COX15: variants seen among roughly 807,000 people sequenced by gnomAD.
COX15 encodes cytochrome c oxidase assembly factor COX15, also known as heme A synthase COX15.
In COX15, 51 loss-of-function variants were observed where a neutral mutation model predicts 51.9. The ratio of observed to expected loss-of-function variants is 0.98; its 90% CI spans 0.78 to 1.24. COX15 has a LOEUF of 1.24. Ranked by LOEUF, COX15 falls within the 50% of genes most tolerant of loss-of-function variation. COX15 has a pLI of 0.00. For missense variants in COX15, 420 were observed against 501.1 expected (o/e 0.84, Z 1.55); for synonymous variants, 188 against 190.5 (o/e 0.99, Z 0.11).
chr10:99,701,930 C>T, the COX15 span, among the ~76,000 whole-genome samples: 1 of 151,886 alleles, frequency 6.6e-6, no homozygotes, highest in Non-Finnish European at 1.5e-5. Context: ...TGCCTGTAAT[C>T]CCAGCTACTC....
At chr10:99,707,787 A>C (rs2036281712), downstream of COX15, among the ~76,000 whole-genome samples, 1 of 152,242 alleles carries the variant, frequency 6.6e-6, no homozygotes. Flanking sequence ...AATATGTAAA[A>C]TACCCATTTA....
In COX15 at chr10:99,718,364, C is replaced by A. The variant is rs747635630; in HGVS notation, c.969G>T (p.Gln323His). 6.2e-7 allele frequency: 1 copy of A among 1,614,144 alleles called. No individual in the cohort carries two copies. The highest frequency in any genetic ancestry group is 8.5e-7 in the Non-Finnish European group (1 of 1,180,028). Residue 323 changes from glutamine (Q) to histidine (H), a missense_variant, in exon 7 of 9, where the codon CAG (glutamine) becomes CAT (histidine). Coordinates refer to ENST00000016171, the MANE Select transcript of COX15 (RefSeq NM_078470.6). ...RNVFENPTMV[Q>H]FDHRILGITS... ...CACTTACCAGAATCCGGTGATCAAA[C>A]TGCACCATGGTGGGATTCTCAAAAA...
At position 99,727,029 on chromosome 10, in the gene COX15, C is replaced by T. The variant is rs2036976858; in HGVS notation, c.521G>A (p.Gly174Asp). Residue 174 changes from glycine (G) to aspartate (D), a missense_variant, in exon 4 of 9, where the codon GGC becomes GAC. Coordinates refer to ENST00000016171, the MANE Select transcript of COX15 (RefSeq NM_078470.6). Reference protein sequence around the residue: ...ILPAAYFWRKGWLSRGMKGRV... With the variant: ...ILPAAYFWRKDWLSRGMKGRV... Reference sequence around the variant, plus strand: ...TCCTTTCATGCCACGGCTGAGCCAGCCCTTTCTCCAAAAGTAGGCAGCAGG... The same window carrying T: ...TCCTTTCATGCCACGGCTGAGCCAGTCCTTTCTCCAAAAGTAGGCAGCAGG... The T allele has an allele frequency of 1.2e-6, 2 of 1,614,180 alleles. No individual in the cohort carries two copies. The highest frequency in any genetic ancestry group is 8.5e-7 in the Non-Finnish European group (1 of 1,180,020).
In COX15 at chr10:99,711,396, AG is replaced by A; in HGVS notation, c.*3190del. On this transcript the variant is annotated 3_prime_UTR_variant, in exon 9 of 9. Coordinates refer to ENST00000016171, the MANE Select transcript of COX15 (RefSeq NM_078470.6). The stretch of plus-strand genomic sequence containing the variant: ...AGAGGATGGTGTGGGAACCTGCCTC[AG>A]GAACTACAGTTCCCTTTCTTTGAAG... 1.0e-6 allele frequency: 1 copy of A among 985,432 alleles called. No individual in the cohort carries two copies. Among genetic ancestry groups the A allele is most frequent in the Non-Finnish European group, 1.2e-6 (1 of 829,922 alleles). The allele number at this position is 985,432 out of a possible 1,614,324, so 61.0% of individuals were successfully genotyped here. A position where few individuals can be genotyped will look rare whatever the true frequency, so the allele number is the denominator to read the frequency against.
chr10:99,731,827 G>C, intron 1 of COX15, 133 bp downstream of exon 1: 2 of 1,166,458 alleles, frequency 1.7e-6, no homozygotes, highest in East Asian at 2.6e-5. Flanking sequence ...TAGGGGCTCT[G>C]ATCTGAACCT....
In COX15 at chr10:99,726,905, A is replaced by C. The variant is rs868230125; in HGVS notation, c.582+63T>G. On this transcript the variant is annotated intron_variant, in intron 4 of 8. Transcript: ENST00000016171. Reference sequence around the variant, plus strand: ...TCCGTCTCAAAAAAAAAAAAAAAAAAACAATGCCAACTAGGAAGCTCCTGG... The same window carrying C: ...TCCGTCTCAAAAAAAAAAAAAAAAACACAATGCCAACTAGGAAGCTCCTGG... The C allele has an allele frequency of 2.6e-4, 395 of 1,495,274 alleles. 2 individuals are homozygous for C. The African/African-American group carries it at 5.0e-3, about 19-fold the overall frequency. The allele number at this position is 1,495,274 out of a possible 1,614,324, so 92.6% of individuals were successfully genotyped here.
downstream of COX15, chr10:99,709,923 A>G: frequency 1.0e-6 from 1 of 985,458 alleles, no homozygotes; most frequent in Non-Finnish European, 1.2e-6. Context: ...TTTTATTAGT[A>G]AAACTGAATC....
the COX15 span, chr10:99,704,527 C>G: frequency 1.2e-6 from 2 of 1,614,222 alleles, no homozygotes; most frequent in Non-Finnish European, 8.5e-7. Context: ...ACCACTATCT[C>G]TTCTTTGCCT....
chr10:99,716,505 G>T, intron 7 of COX15, 44 bp from the exon 8 acceptor site: 1 of 1,342,624 alleles, frequency 7.4e-7, no homozygotes, highest in Non-Finnish European at 1.1e-6. Context: ...GAAGTGCCAG[G>T]TTTCTAACTC....
chr10:99,713,461 A>G lies in COX15; in HGVS notation c.*1126T>C, dbSNP rs2231687. 1,400,662 of 1,613,432 alleles carry G rather than the reference A, an allele frequency of 0.87. 609,113 individuals are homozygous for G. The highest frequency in any genetic ancestry group is 0.91 in the Middle Eastern group (5,492 of 6,058). On this transcript the variant is annotated 3_prime_UTR_variant, in exon 9 of 9. Coordinates refer to ENST00000016171, the MANE Select transcript of COX15 (RefSeq NM_078470.6). ...TCCAAATCACTGATTTTAAAAGTAAAGTTGAATAAGACAGGGCCCTATGAA... is the reference window on the plus strand; with the variant it reads ...TCCAAATCACTGATTTTAAAAGTAAGGTTGAATAAGACAGGGCCCTATGAA...
the COX15 span, chr10:99,698,676 A>G: frequency 1.9e-6 from 3 of 1,614,168 alleles, no homozygotes; most frequent in African/African-American, 1.3e-5. Context: ...TTGTGGGGCA[A>G]TGCTGAGCCC....
At chr10:99,717,552 TCTCA>T (rs1485756771) in intron 7 of COX15, among the ~76,000 whole-genome samples, 1 of 152,112 alleles carries the variant, frequency 6.6e-6, no homozygotes, top group East Asian at 1.9e-4. Context: ...AGAGACAGGC[TCTCA>T]CTCTGTCTCC....
chr10:99,703,770 T>C, the COX15 span, among the ~76,000 whole-genome samples: 1 of 152,182 alleles, frequency 6.6e-6, no homozygotes, highest in Admixed American at 6.5e-5. Context: ...AGGCTGAGTG[T>C]GGTGGCAGTG....
chr10:99,709,917 A>G (rs1353066017), downstream of COX15: 4 of 985,304 alleles, frequency 4.1e-6, no homozygotes, highest in Non-Finnish European at 4.8e-6. Flanking sequence ...AGATCCTTTT[A>G]TTAGTAAAAC....
chr10:99,698,565 G>C, the COX15 span: 2 of 1,613,988 alleles, frequency 1.2e-6, no homozygotes, highest in South Asian at 2.2e-5. Flanking sequence ...TCTGAGTCCC[G>C]ACAATCCATT....
intron 7 of COX15, among the ~76,000 whole-genome samples, chr10:99,717,403 G>T (rs988374986): frequency 2.0e-5 from 3 of 152,130 alleles, no homozygotes; most frequent in South Asian, 2.1e-4. Context: ...TAGAGATGAG[G>T]TCTCCCTGTG....
chr10:99,714,794 C>T (rs1308805784), intron 8 of COX15, 76 bp from the exon 9 acceptor site: 1 of 1,602,670 alleles, frequency 6.2e-7, no homozygotes, highest in African/African-American at 1.3e-5. Flanking sequence ...GCGTGGATAA[C>T]CACACACAAA....
intron 8 of COX15, among the ~76,000 whole-genome samples, chr10:99,715,639 T>TAAA (rs573115316): frequency 7.8e-6 from 1 of 127,474 alleles, no homozygotes. Flanking sequence ...ACTCCATCTC[T>TAAA]AAAAAAAAAA....
At chr10:99,701,256 A>G in the COX15 span, among the ~76,000 whole-genome samples, 1 of 151,684 alleles carries the variant, frequency 6.6e-6, no homozygotes, top group Non-Finnish European at 1.5e-5. Flanking sequence ...GTTACCAAAC[A>G]GAGTTCTCAA....
Sources: gnomAD v4.1 joint callset for allele counts (sites outside exome capture counted in the v4.1 genomes callset) on GRCh38, gnomAD v4.1.1 for gene constraint, MANE v1.5 for transcripts, NCBI Gene and HGNC (gene_info 2026-07-23, HGNC 2026-07-21) for gene names.